Variants in FAM234A observed in about 807,000 individuals in gnomAD.
FAM234A encodes family with sequence similarity 234 member A.
In FAM234A, 42 loss-of-function variants were observed where a neutral mutation model predicts 49.1. The observed-to-expected ratio is 0.86, with a 90% CI of 0.67 to 1.11. The LOEUF (loss-of-function observed/expected upper bound fraction) is 1.11, where lower values mean the gene tolerates loss of function less well. Among genes scored for constraint, FAM234A ranks in the 50% least tolerant of loss-of-function variants. The probability of loss-of-function intolerance (pLI) is 0.00; values close to 1 mark genes in which losing one functional copy is unlikely to be tolerated. For synonymous variants in FAM234A, 369 were observed against 316.2 expected, an observed-to-expected ratio of 1.17 and a Z score of -1.77; for missense variants, 815 against 745.2, an observed-to-expected ratio of 1.09 and a Z score of -1.09.
At position 263,419 on chromosome 16, in the gene FAM234A, A is replaced by C. The variant is rs1247220537; in HGVS notation, c.1112+17A>C. ...TGTCCTGAGGTACAGGGTTTCCCCAAGGACCGCGCAGGTGCTGCACCCCTT... is the reference window on the plus strand; with the variant it reads ...TGTCCTGAGGTACAGGGTTTCCCCACGGACCGCGCAGGTGCTGCACCCCTT... On this transcript the variant is annotated intron_variant, in intron 9 of 12. Coordinates refer to ENST00000399932, the MANE Select transcript of FAM234A (RefSeq NM_032039.4). 6.2e-7 allele frequency: 1 copy of C among 1,604,892 alleles called. No homozygotes were observed. Among genetic ancestry groups the C allele is most frequent in the South Asian group, 1.1e-5 (1 of 91,072 alleles).
intron 1 of FAM234A, among the ~76,000 whole-genome samples, chr16:241,989 AAG>A (rs1330631692): frequency 6.6e-6 from 1 of 152,114 alleles, no homozygotes; most frequent in African/African-American, 2.4e-5. Context: ...TTCTTAGAGA[AAG>A]AACTCTTGGA....
intron 6 of FAM234A, 110 bp downstream of exon 6, chr16:261,624 T>C: frequency 3.7e-6 from 5 of 1,341,146 alleles, no homozygotes; most frequent in Non-Finnish European, 5.0e-6. Context: ...GTCTGACCAC[T>C]TGCCGGGGAC....
Position 263,339 on chromosome 16 carries a change from T to C in FAM234A, c.1049T>C (p.Phe350Ser). The change falls in exon 9 of 13, where the codon TTC (phenylalanine) becomes TCC (serine). Residue 350 changes from phenylalanine to serine, a missense_variant. Transcript: ENST00000399932. ...GTGCTTCTTGTGGGCTCAGAGGCCT[T>C]CGTGCTGCTGGACGGGCAGGAGCTG... ...ADVLLVGSEAFVLLDGQELTP... is the reference protein window; with the variant it reads ...ADVLLVGSEASVLLDGQELTP... 1.9e-6 allele frequency: 3 copies of C among 1,613,102 alleles called. No individual in the cohort carries two copies. The highest frequency in any genetic ancestry group is 2.5e-6 in the Non-Finnish European group (3 of 1,180,012).
chr16:249,628 A>G lies in FAM234A; in HGVS notation c.-60A>G, dbSNP rs1342069056. ...GCACCAGCAGGAGTCCACATCGAGG[A>G]CGTCCTCCGGGCACTCCCACGACCA... On this transcript the variant is annotated 5_prime_UTR_variant, in exon 2 of 13. Transcript: ENST00000399932. 1 of 151,984 alleles carries G rather than the reference A, an allele frequency of 6.6e-6. No individual in the cohort carries two copies. Among genetic ancestry groups the G allele is most frequent in the Non-Finnish European group, 1.5e-5 (1 of 68,044 alleles). The allele number at this position is 151,984 out of a possible 1,614,324, so 9.4% of individuals were successfully genotyped here. A position where few individuals can be genotyped will look rare whatever the true frequency, so the allele number is the denominator to read the frequency against.
At chr16:260,464 GC>G in intron 5 of FAM234A, 3 of 496,566 alleles carry the variant, frequency 6.0e-6, no homozygotes, top group Admixed American at 2.5e-5. Flanking sequence ...GAGCGGCTTG[GC>G]CCCCGGCTGC....
At chr16:268,644 T>G (rs1596877794), downstream of FAM234A, 2 of 864,710 alleles carry the variant, frequency 2.3e-6, no homozygotes, top group African/African-American at 1.7e-5. Context: ...GGCCTCGAGG[T>G]GGGAAAGCAG....
intron 2 of FAM234A, among the ~76,000 whole-genome samples, chr16:251,254 C>G (rs2050993712): frequency 6.6e-6 from 1 of 152,214 alleles, no homozygotes; most frequent in Non-Finnish European, 1.5e-5. Context: ...CTGCGCCCAG[C>G]CGATACGTTC....
Position 263,319 on chromosome 16 carries a change from T to C in FAM234A, c.1029T>C (p.Leu343=). ...CAGGGAACGCCGGTGCAGATGTGCT[T>C]CTTGTGGGCTCAGAGGCCTTCGTGC... The part of the protein sequence containing the change: ...HVPGNAGADV[L]LVGSEAFVLL... Residue 343 remains leucine (L), a synonymous_variant, in exon 9 of 13, where the codon CTT becomes CTC. Coordinates refer to ENST00000399932, the MANE Select transcript of FAM234A (RefSeq NM_032039.4). 1 of 1,613,250 alleles carries C rather than the reference T, an allele frequency of 6.2e-7. No individual in the cohort carries two copies. The highest frequency in any genetic ancestry group is 8.5e-7 in the Non-Finnish European group (1 of 1,180,006).
At chr16:245,322 G>T (rs1201697776) in intron 1 of FAM234A, among the ~76,000 whole-genome samples, 4 of 152,132 alleles carry the variant, frequency 2.6e-5, no homozygotes, top group Admixed American at 1.3e-4. Flanking sequence ...TCCAGCCTGG[G>T]CCACAGAGTG....
intron 10 of FAM234A, 88 bp from the exon 11 acceptor site, chr16:263,928 A>T (rs1299674413): frequency 6.7e-7 from 1 of 1,487,276 alleles, no homozygotes; most frequent in East Asian, 2.3e-5. Flanking sequence ...CAGGGCTGGC[A>T]TGGCTGAGGG....
intron 1 of FAM234A, among the ~76,000 whole-genome samples, chr16:243,870 C>T (rs1382686962): frequency 1.3e-5 from 2 of 152,138 alleles, no homozygotes; most frequent in East Asian, 1.9e-4. Context: ...ACTTTGGAGA[C>T]GACCCCTTTT....
At position 261,512 on chromosome 16, in the gene FAM234A, G is replaced by T; in HGVS notation, c.706G>T (p.Glu236Ter). The change falls in exon 6 of 13, where the codon GAG (glutamate) becomes TAG (stop). Residue 236 changes from glutamate to a stop codon, truncating the protein, a stop_gained and splice_region_variant. Coordinates refer to ENST00000399932, the MANE Select transcript of FAM234A (RefSeq NM_032039.4). LOFTEE classifies it high-confidence loss of function. ...DLLVLTQERE[E>*]VSGHLYSGST... ...GCTGGTTCTCACCCAGGAGCGGGAG[G>T]AGGTACATCCCAGCCTGGCTCTGCT... 1.9e-6 allele frequency: 3 copies of T among 1,600,160 alleles called. No individual in the cohort carries two copies. Among genetic ancestry groups the T allele is most frequent in the Non-Finnish European group, 1.7e-6 (2 of 1,174,504 alleles).
At chr16:245,099 C>T (rs993495553) in intron 1 of FAM234A, among the ~76,000 whole-genome samples, 6 of 152,050 alleles carry the variant, frequency 3.9e-5, no homozygotes, top group African/African-American at 1.4e-4. Flanking sequence ...GCGTGGCCCA[C>T]ACTTTGGGAG....
intron 1 of FAM234A, among the ~76,000 whole-genome samples, chr16:242,556 A>G (rs780157960): frequency 3.3e-5 from 5 of 151,348 alleles, no homozygotes; most frequent in Non-Finnish European, 7.4e-5. Context: ...TTGAATAACC[A>G]TATATGAGGT....
Position 265,241 on chromosome 16 carries a change from C to T in FAM234A, c.*219C>T. On this transcript the variant is annotated 3_prime_UTR_variant, in exon 13 of 13. Coordinates refer to ENST00000399932, the MANE Select transcript of FAM234A (RefSeq NM_032039.4). ...GGCCTCTCTCCCGCCCAGCATCCTC[C>T]CTGAGTCCCCACACAGGGCCTCACT... The T allele has an allele frequency of 7.3e-7, 1 of 1,376,050 alleles. No homozygotes were observed. Among genetic ancestry groups the T allele is most frequent in the South Asian group, 1.8e-5 (1 of 55,334 alleles). 85.2% of individuals were successfully genotyped at this position (1,376,050 alleles called of 1,614,324 possible). A position where few individuals can be genotyped will look rare whatever the true frequency, so the allele number is the denominator to read the frequency against.
intron 3 of FAM234A, among the ~76,000 whole-genome samples, chr16:258,968 G>T (rs1208310191): frequency 1.3e-5 from 2 of 152,146 alleles, no homozygotes; most frequent in African/African-American, 4.8e-5. Flanking sequence ...ATTTTTAGTA[G>T]AGACAGGGTT....
chr16:269,942 G>C, downstream of FAM234A: 1 of 228,618 alleles, frequency 4.4e-6, no homozygotes, highest in Non-Finnish European at 8.6e-6. Context: ...GGTAGGCCAC[G>C]CATGGTGGCT....
chr16:251,258 T>TA (rs1381980074), intron 2 of FAM234A, among the ~76,000 whole-genome samples: 1 of 152,220 alleles, frequency 6.6e-6, no homozygotes. Flanking sequence ...GCCCAGCCGA[T>TA]ACGTTCATAT....
At chr16:263,493 G>C in intron 9 of FAM234A, 91 bp downstream of exon 9, 1 of 1,534,976 alleles carries the variant, frequency 6.5e-7, no homozygotes, top group Non-Finnish European at 8.8e-7. Context: ...ACAGCGCTGG[G>C]GGTGGGGCCG....
Sources: allele counts gnomAD v4.1 joint callset (sites outside exome capture counted in the v4.1 genomes callset), GRCh38; gene constraint gnomAD v4.1.1; transcripts MANE v1.5; gene names NCBI Gene and HGNC (gene_info 2026-07-23, HGNC 2026-07-21).